Variants in PPP1R14C observed in about 807,000 individuals in gnomAD.
PPP1R14C encodes the protein protein phosphatase 1 regulatory subunit 14C.
Under a neutral mutation model 20.4 loss-of-function variants are expected in PPP1R14C, and 16 were observed. That is an observed-to-expected ratio of 0.78 (90% confidence interval 0.53 to 1.19). The LOEUF is 1.19. PPP1R14C is among the 50% of genes most tolerant of loss of function. The pLI, the probability that PPP1R14C is intolerant of heterozygous loss-of-function variation, is 0.00. For synonymous variants in PPP1R14C, 91 were observed against 91.0 expected (o/e 1.00, Z 0.00); for missense variants, 211 against 220.1 (o/e 0.96, Z 0.26).
intron 1 of PPP1R14C, among the ~76,000 whole-genome samples, chr6:150,184,210 G>A (rs1471014553): frequency 6.6e-6 from 1 of 152,182 alleles, no homozygotes; most frequent in Non-Finnish European, 1.5e-5. Flanking sequence ...AGCATAGGAG[G>A]GACTCAGCCT....
rs1582890362 is a variant in PPP1R14C, at chr6:150,143,207, G to A, written c.15G>A (p.Thr5=). ...CGCGCGGGGACATGTCGGTGGCGAC[G>A]GGCAGCAGCGAGACGGCCGGCGGGG... The part of the protein sequence containing the change: MSVA[T]GSSETAGGAS... The change falls in exon 1 of 4, where the codon ACG becomes ACA. Residue 5 remains threonine, a synonymous_variant. Coordinates refer to ENST00000361131, the MANE Select transcript of PPP1R14C (RefSeq NM_030949.3). This position sits in a 1 kb window ranked among gnomAD's most constrained non-coding sequence, Gnocchi z 5.6. 7 of 1,357,368 alleles carry A rather than the reference G, an allele frequency of 5.2e-6. No individual in the cohort carries two copies. Among genetic ancestry groups the A allele is most frequent in the African/African-American group, 4.6e-5 (3 of 64,710 alleles). The allele number at this position is 1,357,368 out of a possible 1,614,324, so 84.1% of individuals were successfully genotyped here. A position where few individuals can be genotyped will look rare whatever the true frequency, so the allele number is the denominator to read the frequency against.
At chr6:150,205,172 GC>G (rs965499901) in intron 1 of PPP1R14C, among the ~76,000 whole-genome samples, 3 of 152,038 alleles carry the variant, frequency 2.0e-5, no homozygotes, top group African/African-American at 7.2e-5. Context: ...AGAGAAACCT[GC>G]CTGGTGGGTG....
At chr6:150,205,674 T>C (rs1044852006) in intron 1 of PPP1R14C, among the ~76,000 whole-genome samples, 1 of 151,714 alleles carries the variant, frequency 6.6e-6, no homozygotes, top group African/African-American at 2.4e-5. Flanking sequence ...GCACCTGTAA[T>C]CTCAGCTACT....
intron 1 of PPP1R14C, among the ~76,000 whole-genome samples, chr6:150,214,481 C>T (rs1346407122): frequency 6.6e-6 from 1 of 151,724 alleles, no homozygotes; most frequent in Non-Finnish European, 1.5e-5. Context: ...TTCCTTCCTT[C>T]CTTCATTTCC....
intron 1 of PPP1R14C, among the ~76,000 whole-genome samples, chr6:150,177,859 G>T (rs1408073962): frequency 6.6e-6 from 1 of 152,182 alleles, no homozygotes; most frequent in Non-Finnish European, 1.5e-5. Context: ...GGCCGGGACA[G>T]ACTCATCTCC....
chr6:150,238,302 G>A (rs769870432), intron 3 of PPP1R14C, among the ~76,000 whole-genome samples: 1 of 152,202 alleles, frequency 6.6e-6, no homozygotes, highest in Non-Finnish European at 1.5e-5. Context: ...AAACTAGAAT[G>A]GCCAGATCTT....
At chr6:150,245,983 T>A (rs546175376) in intron 3 of PPP1R14C, among the ~76,000 whole-genome samples, 2 of 152,306 alleles carry the variant, frequency 1.3e-5, no homozygotes, top group East Asian at 3.9e-4. Context: ...AATATAAAAT[T>A]TAAAATGAGA....
intron 3 of PPP1R14C, among the ~76,000 whole-genome samples, chr6:150,238,607 C>A (rs1778394209): frequency 6.6e-6 from 1 of 152,242 alleles, no homozygotes; most frequent in African/African-American, 2.4e-5. Flanking sequence ...GCAGCTCATG[C>A]CATATGTTGG....
intron 3 of PPP1R14C, among the ~76,000 whole-genome samples, chr6:150,248,208 A>G (rs915041137): frequency 2.6e-4 from 39 of 152,182 alleles, no homozygotes; most frequent in Non-Finnish European, 2.9e-5. Flanking sequence ...TAATTTGAGG[A>G]TTAAGTTTCC....
At chr6:150,203,057 A>G (rs1202461589) in intron 1 of PPP1R14C, among the ~76,000 whole-genome samples, 1 of 152,172 alleles carries the variant, frequency 6.6e-6, no homozygotes, top group Admixed American at 6.5e-5. Flanking sequence ...CATCATTTCC[A>G]TTCAGACTCA....
intron 3 of PPP1R14C, among the ~76,000 whole-genome samples, chr6:150,232,100 C>G (rs893560513): frequency 6.6e-6 from 1 of 152,158 alleles, no homozygotes; most frequent in African/African-American, 2.4e-5. Context: ...CCTGGTATTG[C>G]TAAGTGTTAA....
At position 150,248,871 on chromosome 6, in the gene PPP1R14C, T is replaced by C; in HGVS notation, c.*51T>C. 8.3e-7 allele frequency: 1 copy of C among 1,208,960 alleles called. No homozygotes were observed. Among genetic ancestry groups the C allele is most frequent in the African/African-American group, 1.5e-5 (1 of 66,254 alleles). The allele number at this position is 1,208,960 out of a possible 1,614,324, so 74.9% of individuals were successfully genotyped here. On this transcript the variant is annotated 3_prime_UTR_variant, in exon 4 of 4. Transcript: ENST00000361131. ...AGAGACGAAGAAAGAGTCCTGGGAT[T>C]TGTACTTCATGAAGACTTTTGTGAA...
chr6:150,171,868 C>T (rs745884999), intron 1 of PPP1R14C, among the ~76,000 whole-genome samples: 3 of 152,008 alleles, frequency 2.0e-5, no homozygotes, highest in Admixed American at 6.6e-5. Context: ...TGCAGTGGTG[C>T]GGTCTTGGCT....
intron 1 of PPP1R14C, among the ~76,000 whole-genome samples, chr6:150,208,087 G>A (rs557039826): frequency 3.9e-4 from 60 of 152,246 alleles, no homozygotes; most frequent in African/African-American, 1.4e-3. Flanking sequence ...GTTAATGCAC[G>A]CATGAGGGTG....
At chr6:150,183,300 G>A (rs1582907503) in intron 1 of PPP1R14C, among the ~76,000 whole-genome samples, 1 of 151,984 alleles carries the variant, frequency 6.6e-6, no homozygotes, top group East Asian at 1.9e-4. Context: ...ATTATAAAGA[G>A]GAAATGAGTT....
At chr6:150,170,303 T>C (rs1007654112) in intron 1 of PPP1R14C, among the ~76,000 whole-genome samples, 1 of 151,558 alleles carries the variant, frequency 6.6e-6, no homozygotes, top group Non-Finnish European at 1.5e-5. Context: ...TACACTTTTG[T>C]CATGTGCTAG....
At position 150,143,146 on chromosome 6, in the gene PPP1R14C, C is replaced by T; in HGVS notation, c.-47C>T. Reference sequence around the variant, plus strand: ...GGTGGTAGCGGCGCCGGGCGCGCTCCGCCCGCCCCTCCTCCGGGCCGCACT... The same window carrying T: ...GGTGGTAGCGGCGCCGGGCGCGCTCTGCCCGCCCCTCCTCCGGGCCGCACT... On this transcript the variant is annotated 5_prime_UTR_variant, in exon 1 of 4. Coordinates refer to ENST00000361131, the MANE Select transcript of PPP1R14C (RefSeq NM_030949.3). This position sits in a 1 kb window ranked among gnomAD's most constrained non-coding sequence, Gnocchi z 5.6. The T allele has an allele frequency of 8.3e-7, 1 of 1,201,316 alleles. No homozygotes were observed. Among genetic ancestry groups the T allele is most frequent in the Non-Finnish European group, 1.0e-6 (1 of 971,170 alleles). The allele number at this position is 1,201,316 out of a possible 1,614,324, so 74.4% of individuals were successfully genotyped here.
At chr6:150,241,831 G>T (rs6942271) in intron 3 of PPP1R14C, among the ~76,000 whole-genome samples, 68,812 of 151,996 alleles carry the variant, frequency 0.45, 16,646 homozygotes, top group African/African-American at 0.63. Flanking sequence ...AGGTTGCAAT[G>T]AGCCGAGATC....
chr6:150,164,872 C>T (rs1459373215), intron 1 of PPP1R14C, among the ~76,000 whole-genome samples: 1 of 152,096 alleles, frequency 6.6e-6, no homozygotes, highest in Non-Finnish European at 1.5e-5. Context: ...GTGATTATGT[C>T]CTGAGGGTGG....
Sources: gnomAD v4.1 joint callset for allele counts (sites outside exome capture counted in the v4.1 genomes callset) on GRCh38, gnomAD v4.1.1 for gene constraint, Gnocchi (gnomAD v3.1) non-coding constraint, MANE v1.5 for transcripts, NCBI Gene and HGNC (gene_info 2026-07-23, HGNC 2026-07-21) for gene names.